SPO11: variants seen among roughly 807,000 people sequenced by gnomAD.
SPO11 encodes the protein meiotic recombination protein SPO11.
Under a neutral mutation model 51.6 loss-of-function variants are expected in SPO11, and 49 were observed. The ratio of observed to expected loss-of-function variants is 0.95; its 90% CI spans 0.75 to 1.20. The LOEUF (loss-of-function observed/expected upper bound fraction) is 1.20, where lower values mean the gene tolerates loss of function less well. Ranked by LOEUF, SPO11 falls within the 50% of genes most tolerant of loss-of-function variation. SPO11 has a pLI of 0.00. For missense variants in SPO11, 431 were observed against 473.4 expected, an observed-to-expected ratio of 0.91 and a Z score of 0.83; for synonymous variants, 176 against 158.2, an observed-to-expected ratio of 1.11 and a Z score of -0.84.
chr20:57,335,662 G>A (rs2066503870), intron 7 of SPO11, 136 bp from the exon 8 acceptor site: 1 of 684,948 alleles, frequency 1.5e-6, no homozygotes, highest in Non-Finnish European at 2.5e-6. Flanking sequence ...ATGAATAGAT[G>A]TGTTTATATG....
In SPO11 at chr20:57,329,947, T is replaced by C. The variant is rs2066423321; in HGVS notation, c.80T>C (p.Leu27Pro). The change falls in exon 1 of 13, where the codon CTG (leucine) becomes CCG (proline). Residue 27 changes from leucine to proline, a missense_variant. Leu to Pro is a moderately conservative substitution (Grantham distance 98). Coordinates refer to ENST00000371263, the MANE Select transcript of SPO11 (RefSeq NM_012444.3). The part of the protein sequence containing the change: ...DRHRESLLAA[L>P]RRGGREPPTG... Reference sequence around the variant, plus strand: ...CACAGGGAGTCCCTGCTGGCTGCCCTGAGGAGAGGTGGCAGGGAGCCCCCA... The same window carrying C: ...CACAGGGAGTCCCTGCTGGCTGCCCCGAGGAGAGGTGGCAGGGAGCCCCCA... 1.2e-6 allele frequency: 2 copies of C among 1,612,832 alleles called. No individual in the cohort carries two copies. The highest frequency in any genetic ancestry group is 1.7e-6 in the Non-Finnish European group (2 of 1,179,690).
chr20:57,334,954 C>A, intron 6 of SPO11, 118 bp downstream of exon 6: 1 of 772,114 alleles, frequency 1.3e-6, no homozygotes. Flanking sequence ...CAAAATAAAA[C>A]TGAAAGATGG....
intron 1 of SPO11, among the ~76,000 whole-genome samples, chr20:57,331,459 A>G (rs2066449093): frequency 6.6e-6 from 1 of 152,240 alleles, no homozygotes; most frequent in Non-Finnish European, 1.5e-5. Context: ...TAGTATGTCA[A>G]GTCTAGTTTG....
At position 57,329,909 on chromosome 20, in the gene SPO11, C is replaced by A. The variant is rs147571833; in HGVS notation, c.42C>A (p.Asp14Glu). 9.7e-4 allele frequency: 1,563 copies of A among 1,613,742 alleles called. 2 individuals are homozygous for A. The highest frequency in any genetic ancestry group is 1.3e-3 in the Non-Finnish European group (1,512 of 1,179,914). ...TGGGGCCCGAGGCCTCGTTCTTCGA[C>A]GTTTTGGACCGACACAGGGAGTCCC... is the stretch of plus-strand genomic sequence containing the variant. ...APMGPEASFF[D>E]VLDRHRESLL... The change falls in exon 1 of 13, where the codon GAC becomes GAA. Residue 14 changes from aspartate to glutamate, a missense_variant. By Grantham distance (45) the Asp-to-Glu change is conservative. Around this residue, in one of 3 missense-constraint regions of SPO11, gnomAD observed 405 missense variants for 425.9 expected, o/e 0.95. Transcript: ENST00000371263.
At chr20:57,338,213 A>T in intron 8 of SPO11, 63 bp from the exon 9 acceptor site, 1 of 1,154,834 alleles carries the variant, frequency 8.7e-7, no homozygotes, top group Non-Finnish European at 1.3e-6. Flanking sequence ...TATTAATAAG[A>T]GTATAATTGT....
intron 8 of SPO11, chr20:57,337,832 G>A: frequency 8.8e-7 from 1 of 1,132,340 alleles, no homozygotes; most frequent in Non-Finnish European, 1.2e-6. Context: ...GGGTTGCTGT[G>A]GCCACATGCA....
chr20:57,334,307 A>T (rs1050597215), intron 5 of SPO11, among the ~76,000 whole-genome samples: 1 of 152,028 alleles, frequency 6.6e-6, no homozygotes, highest in Non-Finnish European at 1.5e-5. Context: ...GGCGCCTGCC[A>T]CCACGCCCGG....
intron 7 of SPO11, 95 bp from the exon 8 acceptor site, chr20:57,335,703 A>G (rs1179452079): frequency 2.6e-6 from 2 of 779,228 alleles, no homozygotes; most frequent in East Asian, 2.6e-5. Flanking sequence ...TGTTGTATCT[A>G]TAGCTGCTTT....
chr20:57,335,495 G>A (rs879184032), intron 7 of SPO11, 40 bp downstream of exon 7: 1 of 1,577,436 alleles, frequency 6.3e-7, no homozygotes, highest in South Asian at 1.1e-5. Flanking sequence ...CTTTTGGAAT[G>A]TTCATTCATT....
At chr20:57,330,126 C>A (rs894314923) in intron 1 of SPO11, 128 bp downstream of exon 1, 8 of 1,307,352 alleles carry the variant, frequency 6.1e-6, no homozygotes, top group Non-Finnish European at 8.1e-6. Flanking sequence ...CCAGGAACCC[C>A]CAAAAAGATC....
intron 8 of SPO11, among the ~76,000 whole-genome samples, chr20:57,336,560 G>T (rs1187121230): frequency 2.6e-5 from 4 of 152,106 alleles, no homozygotes; most frequent in Non-Finnish European, 4.4e-5. Context: ...CTGTGGAACT[G>T]GTCAGCCCTT....
chr20:57,330,376 TTTTTTTGGTTTTTA>T (rs1393517263), intron 1 of SPO11, among the ~76,000 whole-genome samples: 6 of 152,218 alleles, frequency 3.9e-5, no homozygotes, highest in Middle Eastern at 3.4e-3. Flanking sequence ...CTTTAAGGGT[TTTTTTTGGTTTTTA>T]TTTTTTGGTT....
chr20:57,334,539 T>G (rs563771172), intron 5 of SPO11, among the ~76,000 whole-genome samples: 1 of 152,352 alleles, frequency 6.6e-6, no homozygotes, highest in Non-Finnish European at 1.5e-5. Context: ...AAGTAATAGA[T>G]TCTCAATATA....
chr20:57,338,191 T>C, intron 8 of SPO11, 85 bp from the exon 9 acceptor site: 1 of 1,043,144 alleles, frequency 9.6e-7, no homozygotes, highest in Non-Finnish European at 1.4e-6. Flanking sequence ...GCGTCCAGCC[T>C]AACTTTTAAA....
intron 11 of SPO11, 37 bp downstream of exon 11, chr20:57,340,215 ACAGTT>A (rs770427206): frequency 7.4e-7 from 1 of 1,350,504 alleles, no homozygotes; most frequent in Non-Finnish European, 1.1e-6. Flanking sequence ...ATTTAAAATG[ACAGTT>A]CATTATCATA....
Position 57,341,729 on chromosome 20 carries a change from C to T in SPO11, c.960-1000C>T, listed in dbSNP as rs112269358. On this transcript the variant is annotated intron_variant, in intron 11 of 12. Transcript: ENST00000371263. ...GTGTATGTGTGTCATGGTCAGAATCCCTTGGGGGTGATCTGTTTGTATAAA... is the reference window on the plus strand; with the variant it reads ...GTGTATGTGTGTCATGGTCAGAATCTCTTGGGGGTGATCTGTTTGTATAAA... Among the ~76,000 whole-genome samples, 579 of 152,264 alleles carry T rather than the reference C, an allele frequency of 3.8e-3. 3 individuals carry two copies. Among genetic ancestry groups the T allele is most frequent in the African/African-American group, 0.013 (554 of 41,536 alleles).
chr20:57,334,708 A>G (rs748450310), intron 5 of SPO11, 42 bp from the exon 6 acceptor site: 1 of 1,519,152 alleles, frequency 6.6e-7, no homozygotes, highest in Non-Finnish European at 9.1e-7. Flanking sequence ...CATAAAACAT[A>G]TTCGTGAAGC....
chr20:57,333,385 C>A, intron 3 of SPO11, 109 bp downstream of exon 3: 1 of 713,512 alleles, frequency 1.4e-6, no homozygotes, highest in South Asian at 2.1e-5. Context: ...TAATAGATCA[C>A]TTTCATACAT....
Position 57,343,990 on chromosome 20 carries a change from T to C in SPO11, c.*530T>C, listed in dbSNP as rs1190296798. 6.6e-6 allele frequency: 1 copy of C among 152,242 alleles called. No individual in the cohort carries two copies. The highest frequency in any genetic ancestry group is 1.5e-5 in the Non-Finnish European group (1 of 68,040). 9.4% of individuals were successfully genotyped at this position (152,242 alleles called of 1,614,324 possible). On this transcript the variant is annotated 3_prime_UTR_variant, in exon 13 of 13. Transcript: ENST00000371263. ...CAGTATGAATAAATATTTGGATTGA[T>C]GTAGTCTTCAGTGTTTTGCTTTATT...
Sources: allele counts gnomAD v4.1 joint callset (sites outside exome capture counted in the v4.1 genomes callset), GRCh38; gene constraint gnomAD v4.1.1; regional missense constraint gnomAD v4.1.1; transcripts MANE v1.5; gene names NCBI Gene and HGNC (gene_info 2026-07-23, HGNC 2026-07-21).